RBFOX1: variants seen among roughly 807,000 people sequenced by gnomAD.
RBFOX1 encodes the protein RNA binding protein fox-1 homolog 1.
RBFOX1 carries 8 observed loss-of-function variants against 57.7 expected under a neutral mutation model. That is an observed-to-expected ratio of 0.14 (90% CI 0.08 to 0.25). RBFOX1 has a LOEUF of 0.25. Among genes scored for constraint, RBFOX1 ranks in the 10% least tolerant of loss-of-function variants. RBFOX1 has a pLI of 1.00. For missense variants in RBFOX1, 611 were observed against 548.5 expected (o/e 1.11, Z -1.14); for synonymous variants, 326 against 222.4 (o/e 1.47, Z -4.15).
At chr16:6,479,394 C>G (rs2095334050) in intron 2 of RBFOX1, among the ~76,000 whole-genome samples, 4 of 152,192 alleles carry the variant, frequency 2.6e-5, no homozygotes, top group Admixed American at 2.6e-4. Flanking sequence ...TAAAGGCCAG[C>G]CTGGCCAACA....
At chr16:6,091,230 C>T (rs2096168409) in intron 1 of RBFOX1, among the ~76,000 whole-genome samples, 1 of 152,158 alleles carries the variant, frequency 6.6e-6, no homozygotes, top group Admixed American at 6.5e-5. Flanking sequence ...CCCTTCCCAG[C>T]CTTAGTCACC....
intron 14 of RBFOX1, among the ~76,000 whole-genome samples, chr16:7,695,649 CAAAAAAAAA>C (rs34363093): frequency 3.0e-5 from 3 of 98,400 alleles, no homozygotes; most frequent in Non-Finnish European, 5.8e-5. Flanking sequence ...AAGCCTCCAT[CAAAAAAAAA>C]AAAAAAAAAA....
chr16:6,762,924 G>C (rs1018853321), intron 3 of RBFOX1, among the ~76,000 whole-genome samples: 1 of 152,190 alleles, frequency 6.6e-6, no homozygotes, highest in Non-Finnish European at 1.5e-5. Flanking sequence ...TAGCATCTGA[G>C]CTGAAACCTG....
rs998229648 is a variant in RBFOX1 at position 7,595,412 on chromosome 16, A to C, written c.469-137A>C. On this transcript the variant is annotated intron_variant, in intron 7 of 15. Transcript: ENST00000550418. ...AATTATTGCACATCTCAGTACTCTTATAATTTCTCTAATTTGCATGTTACA... is the reference window on the plus strand; with the variant it reads ...AATTATTGCACATCTCAGTACTCTTCTAATTTCTCTAATTTGCATGTTACA... 18 of 584,968 alleles carry C rather than the reference A, an allele frequency of 3.1e-5. No homozygotes were observed. The African/African-American group carries it at 3.2e-4, about 10-fold the overall frequency. The allele number at this position is 584,968 out of a possible 1,614,324, so 36.2% of individuals were successfully genotyped here.
intron 3 of RBFOX1, among the ~76,000 whole-genome samples, chr16:6,834,851 G>C (rs1034505253): frequency 6.7e-6 from 1 of 148,728 alleles, no homozygotes; most frequent in Non-Finnish European, 1.5e-5. Context: ...TGGAAGTCAA[G>C]TTCATTTTGG....
intron 3 of RBFOX1, among the ~76,000 whole-genome samples, chr16:7,036,909 G>A (rs531246683): frequency 6.6e-6 from 1 of 152,216 alleles, no homozygotes; most frequent in African/African-American, 2.4e-5. Context: ...CATTTTTATG[G>A]TTATTTCTTG....
At chr16:7,360,946 C>G (rs2097308614) in intron 4 of RBFOX1, among the ~76,000 whole-genome samples, 1 of 152,172 alleles carries the variant, frequency 6.6e-6, no homozygotes. Flanking sequence ...ATGAGTTTTT[C>G]TTCTTTCATT....
intron 1 of RBFOX1, among the ~76,000 whole-genome samples, chr16:6,274,938 C>G (rs138492076): frequency 6.6e-5 from 10 of 152,182 alleles, no homozygotes; most frequent in Admixed American, 6.5e-4. Flanking sequence ...GAAAAGCATT[C>G]TGGACAACAG....
chr16:6,600,772 T>C (rs2097843496), intron 2 of RBFOX1, among the ~76,000 whole-genome samples: 1 of 152,180 alleles, frequency 6.6e-6, no homozygotes. Flanking sequence ...AGCAAGATTA[T>C]ATCCTTTTAT....
In RBFOX1 at chr16:5,909,090, C is replaced by CT. The variant is rs3041577; in HGVS notation, c.351+41775dup. Among the ~76,000 whole-genome samples the CT allele has an allele frequency of 4.9e-3, 566 of 116,366 alleles. 2 individuals carry two copies. Among genetic ancestry groups the CT allele is most frequent in the South Asian group, 0.015 (50 of 3,438 alleles). 76.3% of individuals were successfully genotyped at this position (116,366 alleles called of 152,430 possible). On this transcript the variant is annotated intron_variant, in intron 4 of 19. Transcript: ENST00000641259. ...ATCGGCTCCAACAGACTAAGCCCCC[C>CT]TTTTTTTTTTTTTTTTTTTTGAGAC...
At chr16:5,292,121 A>G (rs555123034) in intron 1 of RBFOX1, among the ~76,000 whole-genome samples, 5 of 152,206 alleles carry the variant, frequency 3.3e-5, no homozygotes, top group Middle Eastern at 3.4e-3. Flanking sequence ...GCGGAATGCT[A>G]TTAAGAAAGC....
intron 2 of RBFOX1, among the ~76,000 whole-genome samples, chr16:6,371,623 A>T (rs11077033): frequency 8.5e-5 from 13 of 152,224 alleles, no homozygotes; most frequent in African/African-American, 2.9e-4. Context: ...TAGAGCCAGG[A>T]GGCCATTTTT....
intron 3 of RBFOX1, among the ~76,000 whole-genome samples, chr16:6,771,563 T>C (rs1388059644): frequency 6.6e-6 from 1 of 152,172 alleles, no homozygotes; most frequent in African/African-American, 2.4e-5. Flanking sequence ...TGGTGTCTTC[T>C]CAGATATGAT....
intron 2 of RBFOX1, among the ~76,000 whole-genome samples, chr16:6,323,639 A>G (rs1379134775): frequency 1.3e-5 from 2 of 152,206 alleles, no homozygotes; most frequent in Non-Finnish European, 2.9e-5. Context: ...TAAGGGAGCA[A>G]TGCTTGTGAA....
intron 3 of RBFOX1, among the ~76,000 whole-genome samples, chr16:6,698,866 G>C (rs780585051): frequency 3.9e-5 from 6 of 152,106 alleles, no homozygotes; most frequent in African/African-American, 1.4e-4. Flanking sequence ...ATATGACCTT[G>C]GAGGGTTTTT....
chr16:5,654,517 C>T (rs1478412268), intron 3 of RBFOX1, among the ~76,000 whole-genome samples: 1 of 152,150 alleles, frequency 6.6e-6, no homozygotes, highest in African/African-American at 2.4e-5. Flanking sequence ...TTCTCTCATT[C>T]AGAATCGTCC....
Position 6,422,045 on chromosome 16 carries a change from C to T in RBFOX1, c.-64+104988C>T, listed in dbSNP as rs554213547. Among the ~76,000 whole-genome samples, 15 of 120,320 alleles carry T rather than the reference C, an allele frequency of 1.2e-4. No individual in the cohort carries two copies. The East Asian group carries it at 2.5e-3, about 20-fold the overall frequency. 78.9% of individuals were successfully genotyped at this position (120,320 alleles called of 152,430 possible). A position where few individuals can be genotyped will look rare whatever the true frequency, so the allele number is the denominator to read the frequency against. On this transcript the variant is annotated intron_variant, in intron 2 of 15. Transcript: ENST00000550418. The stretch of plus-strand genomic sequence containing the variant: ...AGGCAATTCTCCTGCCTCAGCCTCC[C>T]GAGTAGGTGGGATTACAGGTAAGTA...
intron 2 of RBFOX1, among the ~76,000 whole-genome samples, chr16:6,599,162 T>C (rs911269423): frequency 6.6e-6 from 1 of 152,218 alleles, no homozygotes; most frequent in Non-Finnish European, 1.5e-5. Flanking sequence ...CAAATTTTTC[T>C]CTTCTAACCC....
chr16:6,188,071 TCTGG>T lies in RBFOX1; in HGVS notation c.-126-128921_-126-128918del, dbSNP rs201259030. ...GAAGGATCCTCACTAATACCAAAAT[TCTGG>T]CTTTGTGGGATCCACGTATACAAAA... On this transcript the variant is annotated intron_variant, in intron 1 of 15. Coordinates refer to ENST00000550418, the MANE Select transcript of RBFOX1 (RefSeq NM_018723.4). Among the ~76,000 whole-genome samples the T allele has an allele frequency of 9.4e-3, 1,427 of 152,308 alleles. 22 individuals are homozygous for T. Among genetic ancestry groups the T allele is most frequent in the African/African-American group, 0.032 (1,351 of 41,580 alleles).
Sources: allele counts gnomAD v4.1 joint callset (sites outside exome capture counted in the v4.1 genomes callset), GRCh38; gene constraint gnomAD v4.1.1; transcripts MANE v1.5; gene names NCBI Gene and HGNC (gene_info 2026-07-23, HGNC 2026-07-21).